Variants in TXNRD1 observed in about 807,000 individuals in gnomAD.
The protein encoded by TXNRD1 is thioredoxin reductase 1, cytoplasmic.
A neutral mutation model predicts 80.3 loss-of-function variants in TXNRD1; 57 were observed. The observed-to-expected ratio is 0.71, with a 90% CI of 0.57 to 0.89. The LOEUF is 0.89. Ranked by LOEUF, TXNRD1 falls within the 40% of genes least tolerant of loss-of-function variation. TXNRD1 has a pLI of 0.00. For synonymous variants in TXNRD1, 291 were observed against 285.2 expected (o/e 1.02, Z -0.20); for missense variants, 730 against 803.0 (o/e 0.91, Z 1.10).
chr12:104,258,108 A>C (rs774939244), intron 3 of TXNRD1, 29 bp downstream of exon 3: 6 of 1,441,082 alleles, frequency 4.2e-6, no homozygotes, highest in Non-Finnish European at 5.7e-6. Flanking sequence ...TGTAAATCAT[A>C]GCTGCTGACT....
At chr12:104,304,207 G>T (rs1019631741) in intron 4 of TXNRD1, 10 of 1,613,966 alleles carry the variant, frequency 6.2e-6, no homozygotes, top group Non-Finnish European at 8.5e-6. Context: ...TCGACGCCCG[G>T]TTTCTTGTTA....
At chr12:104,220,878 C>T (rs749454062) in intron 1 of TXNRD1, among the ~76,000 whole-genome samples, 5 of 152,120 alleles carry the variant, frequency 3.3e-5, no homozygotes, top group Non-Finnish European at 7.4e-5. Flanking sequence ...TTCCTTATAT[C>T]CTACTTTCTA....
chr12:104,297,851 CCTGT>C (rs1280061352), intron 4 of TXNRD1, among the ~76,000 whole-genome samples: 1 of 152,312 alleles, frequency 6.6e-6, no homozygotes, highest in African/African-American at 2.4e-5. Context: ...TCTTACCCTC[CCTGT>C]CTATCAAAAT....
intron 1 of TXNRD1, among the ~76,000 whole-genome samples, chr12:104,224,592 G>A (rs2032431152): frequency 6.6e-6 from 1 of 152,028 alleles, no homozygotes; most frequent in Admixed American, 6.6e-5. Flanking sequence ...CACCATGTTG[G>A]CCAGGTTGGT....
In TXNRD1 at chr12:104,291,223, C is replaced by CA; in HGVS notation, c.414+2186dup. On this transcript the variant is annotated intron_variant, in intron 4 of 16. Transcript: ENST00000525566. The stretch of plus-strand genomic sequence containing the variant: ...TTTTTTTTTTTTTTTTTTTTTGAGA[C>CA]AAAGTCTCGCTCTGTTGCTCAGGCT... 2.0e-5 allele frequency: 8 copies of CA among 399,662 alleles called. 1 individual carries two copies. The South Asian group carries it at 2.5e-4, about 13-fold the overall frequency. 24.8% of individuals were successfully genotyped at this position (399,662 alleles called of 1,614,324 possible). A position where few individuals can be genotyped will look rare whatever the true frequency, so the allele number is the denominator to read the frequency against.
At chr12:104,299,841 T>C (rs1287407079) in intron 4 of TXNRD1, among the ~76,000 whole-genome samples, 1 of 150,886 alleles carries the variant, frequency 6.6e-6, no homozygotes, top group African/African-American at 2.4e-5. Context: ...CAAATCAAAC[T>C]AGGAATTTTA....
At chr12:104,334,546 T>C (rs997913210) in intron 15 of TXNRD1, among the ~76,000 whole-genome samples, 2 of 152,090 alleles carry the variant, frequency 1.3e-5, no homozygotes, top group African/African-American at 4.8e-5. Context: ...CCACACTGGC[T>C]AATTTTTGTA....
chr12:104,324,222 GA>G (rs893008213), intron 10 of TXNRD1, among the ~76,000 whole-genome samples: 4 of 152,026 alleles, frequency 2.6e-5, no homozygotes, highest in African/African-American at 9.7e-5. Context: ...AATTAAACAA[GA>G]AAGACTTCTC....
intron 3 of TXNRD1, chr12:104,265,410 G>A (rs1593724704): frequency 2.5e-6 from 4 of 1,604,720 alleles, no homozygotes; most frequent in Middle Eastern, 1.9e-4. Flanking sequence ...GAATCTTTGC[G>A]CCTAATCATG....
chr12:104,337,720 T>C (rs1366827858), intron 15 of TXNRD1, among the ~76,000 whole-genome samples: 2 of 151,926 alleles, frequency 1.3e-5, no homozygotes, highest in African/African-American at 4.8e-5. Flanking sequence ...CAAAAATGTT[T>C]TCAGACTTTA....
chr12:104,228,951 C>T (rs1463066387), intron 1 of TXNRD1, among the ~76,000 whole-genome samples: 2 of 151,438 alleles, frequency 1.3e-5, no homozygotes, highest in Non-Finnish European at 2.9e-5. Flanking sequence ...GATCTCCTGA[C>T]CTGGTGATCC....
chr12:104,290,697 A>C (rs1355311797), intron 4 of TXNRD1, among the ~76,000 whole-genome samples: 1 of 117,966 alleles, frequency 8.5e-6, no homozygotes, highest in African/African-American at 3.2e-5. Flanking sequence ...ACCCTGTCTC[A>C]AAAAAAAAAA....
At chr12:104,251,180 A>C (rs1337160425) in intron 1 of TXNRD1, among the ~76,000 whole-genome samples, 1 of 152,096 alleles carries the variant, frequency 6.6e-6, no homozygotes, top group African/African-American at 2.4e-5. Flanking sequence ...CTGCATTTAA[A>C]CCATGGTTGG....
At chr12:104,257,333 T>C (rs995286126) in intron 2 of TXNRD1, among the ~76,000 whole-genome samples, 1 of 151,932 alleles carries the variant, frequency 6.6e-6, no homozygotes, top group African/African-American at 2.4e-5. Context: ...AAATAATACT[T>C]TAACTATTGT....
At chr12:104,243,342 G>GA (rs957616143) in intron 1 of TXNRD1, among the ~76,000 whole-genome samples, 8 of 152,002 alleles carry the variant, frequency 5.3e-5, no homozygotes, top group African/African-American at 1.7e-4. Context: ...CAGACTTTCA[G>GA]AAACACATAT....
At chr12:104,243,864 G>A (rs2135697010) in intron 1 of TXNRD1, among the ~76,000 whole-genome samples, 1 of 152,326 alleles carries the variant, frequency 6.6e-6, no homozygotes, top group Non-Finnish European at 1.5e-5. Context: ...GCTTTCATCT[G>A]CCAGGCTCCT....
At chr12:104,269,053 T>C (rs551647296) in intron 3 of TXNRD1, among the ~76,000 whole-genome samples, 29 of 151,098 alleles carry the variant, frequency 1.9e-4, no homozygotes, top group Non-Finnish European at 3.2e-4. Flanking sequence ...TACAGGCGCC[T>C]GCCACCATGC....
At chr12:104,317,941 A>G (rs537720072) in intron 7 of TXNRD1, among the ~76,000 whole-genome samples, 2 of 152,334 alleles carry the variant, frequency 1.3e-5, no homozygotes, top group Admixed American at 6.5e-5. Context: ...GGAGTTTGAG[A>G]CCAGCCTGGC....
chr12:104,339,122 A>ATTTTTTTTTTTTT lies in TXNRD1; in HGVS notation c.1747-8_1747-7insTTTTTTTTTTTTT. The ATTTTTTTTTTTTT allele has an allele frequency of 6.4e-7, 1 of 1,559,582 alleles. No homozygotes were observed. Among genetic ancestry groups the ATTTTTTTTTTTTT allele is most frequent in the African/African-American group, 1.4e-5 (1 of 73,082 alleles). ...AAAATCAGCTTAATTGCATTATTGTATTTTTTTTTGCCTTAGGAACGTGTT... is the reference window on the plus strand; with the variant it reads ...AAAATCAGCTTAATTGCATTATTGTATTTTTTTTTTTTTTTTTTTTTTGCCTTAGGAACGTGTT... On this transcript the variant is annotated splice_polypyrimidine_tract_variant and intron_variant, in intron 15 of 16. Coordinates refer to ENST00000525566, the MANE Select transcript of TXNRD1 (RefSeq NM_001093771.3).
Sources: gnomAD v4.1 joint callset for allele counts (sites outside exome capture counted in the v4.1 genomes callset) on GRCh38, gnomAD v4.1.1 for gene constraint, MANE v1.5 for transcripts, NCBI Gene and HGNC (gene_info 2026-07-23, HGNC 2026-07-21) for gene names.